Variants in MCC observed in about 807,000 individuals in gnomAD.
MCC encodes the protein colorectal mutant cancer protein.
A neutral mutation model predicts 116.2 loss-of-function variants in MCC; 90 were observed. The ratio of observed to expected loss-of-function variants is 0.77; its 90% confidence interval spans 0.65 to 0.92. The LOEUF (loss-of-function observed/expected upper bound fraction) is 0.92. Ranked by LOEUF, MCC falls within the 40% of genes least tolerant of loss-of-function variation. The pLI, the probability that MCC is intolerant of heterozygous loss-of-function variation, is 0.00. For missense variants in MCC, 1,516 were observed against 1,312.2 expected (o/e 1.16, Z -2.40); for synonymous variants, 578 against 510.5 (o/e 1.13, Z -1.78).
intron 16 of MCC, chr5:113,044,529 TAA>T (rs1482051620): frequency 2.1e-6 from 2 of 969,544 alleles, no homozygotes; most frequent in Non-Finnish European, 2.5e-6. Context: ...GACCTGAGAA[TAA>T]AAAGCTTGTG....
At chr5:113,031,695 C>G (rs1224103560) in intron 17 of MCC, among the ~76,000 whole-genome samples, 1 of 152,156 alleles carries the variant, frequency 6.6e-6, no homozygotes, top group Non-Finnish European at 1.5e-5. Context: ...TCCCCCACTC[C>G]TATCCACACT....
At chr5:113,110,587 G>C (rs1200409172) in intron 6 of MCC, among the ~76,000 whole-genome samples, 1 of 152,150 alleles carries the variant, frequency 6.6e-6, no homozygotes, top group East Asian at 1.9e-4. Flanking sequence ...TAAAGTTGTA[G>C]ACCATTTAAA....
chr5:113,359,107 TTGTC>T (rs1036238467), intron 2 of MCC, among the ~76,000 whole-genome samples: 4 of 152,178 alleles, frequency 2.6e-5, no homozygotes, highest in Non-Finnish European at 5.9e-5. Context: ...CCTTTGCCCT[TTGTC>T]TGTCTTCAGG....
At chr5:113,404,342 G>T (rs1212948552) in intron 1 of MCC, among the ~76,000 whole-genome samples, 1 of 152,138 alleles carries the variant, frequency 6.6e-6, no homozygotes. Context: ...TTTCTTAAAA[G>T]CAATGCCCTC....
intron 3 of MCC, among the ~76,000 whole-genome samples, chr5:113,278,248 T>A (rs1301334805): frequency 2.6e-5 from 4 of 152,158 alleles, no homozygotes; most frequent in Admixed American, 2.0e-4. Flanking sequence ...GCTTCTATTC[T>A]CTCACATCAA....
chr5:113,418,627 C>A (rs1041167737), intron 1 of MCC, among the ~76,000 whole-genome samples: 1 of 152,066 alleles, frequency 6.6e-6, no homozygotes, highest in African/African-American at 2.4e-5. Context: ...GTATGTAAAG[C>A]TTTTAGTGCA....
At chr5:113,201,465 C>T (rs540081212) in intron 3 of MCC, among the ~76,000 whole-genome samples, 5 of 151,940 alleles carry the variant, frequency 3.3e-5, no homozygotes, top group Non-Finnish European at 7.4e-5. Context: ...AATCTAGGGC[C>T]CCAAGTCAGA....
intron 3 of MCC, among the ~76,000 whole-genome samples, chr5:113,254,832 G>A (rs966850835): frequency 6.6e-6 from 1 of 152,122 alleles, no homozygotes; most frequent in Admixed American, 6.6e-5. Context: ...TTAGTTCCCT[G>A]AGTAAACCTC....
chr5:113,142,932 C>T (rs956820152), intron 5 of MCC, among the ~76,000 whole-genome samples: 5 of 152,170 alleles, frequency 3.3e-5, no homozygotes, highest in African/African-American at 1.2e-4. Flanking sequence ...ATTTCATACC[C>T]TTATCAACAA....
rs573799618 is a variant in MCC, at chr5:113,394,376, T to C, written c.171-9164A>G. Among the ~76,000 whole-genome samples the C allele has an allele frequency of 1.4e-4, 22 of 152,190 alleles. No homozygotes were observed. The South Asian group carries it at 1.7e-3, about 11-fold the overall frequency. On this transcript the variant is annotated intron_variant, in intron 1 of 18. Transcript: ENST00000408903. Reference sequence around the variant, plus strand: ...CCAACAGGCAGCCAACAAATTCTGTTACTCTTTCCTGCTTAAAATCCTTTA... The same window carrying C: ...CCAACAGGCAGCCAACAAATTCTGTCACTCTTTCCTGCTTAAAATCCTTTA...
chr5:113,075,442 G>A (rs912186274), intron 11 of MCC, among the ~76,000 whole-genome samples: 9 of 152,218 alleles, frequency 5.9e-5, no homozygotes, highest in East Asian at 1.9e-4. Flanking sequence ...CGGGACTGGC[G>A]GGCAGCTCCG....
chr5:113,178,032 A>G (rs911585127), intron 3 of MCC, among the ~76,000 whole-genome samples: 21 of 152,248 alleles, frequency 1.4e-4, no homozygotes, highest in African/African-American at 4.8e-4. Context: ...TCTGCAAAAC[A>G]ATACCCAAAA....
intron 3 of MCC, among the ~76,000 whole-genome samples, chr5:113,190,259 G>C (rs1368667041): frequency 3.3e-5 from 5 of 152,162 alleles, no homozygotes; most frequent in African/African-American, 1.2e-4. Context: ...CTCTAAACTG[G>C]TAGGGCTCTA....
intron 3 of MCC, among the ~76,000 whole-genome samples, chr5:113,180,774 G>A (rs905825506): frequency 2.0e-5 from 3 of 152,214 alleles, no homozygotes; most frequent in African/African-American, 4.8e-5. Context: ...TGTCTATCTG[G>A]ATGTGGGATT....
rs149206009 is a variant in MCC at position 113,085,913 on chromosome 5, C to T, written c.1399-603G>A. On this transcript the variant is annotated intron_variant, in intron 8 of 18. Coordinates refer to ENST00000408903, the MANE Select transcript of MCC (RefSeq NM_001085377.2). Reference sequence around the variant, plus strand: ...CTATGTTGCCAGGGCTCGTCTTGAACTCCTGCACTCAAGCGATTCTCCCAC... The same window carrying T: ...CTATGTTGCCAGGGCTCGTCTTGAATTCCTGCACTCAAGCGATTCTCCCAC... 2.0e-3 allele frequency among the ~76,000 whole-genome samples: 311 copies of T among 152,318 alleles called. 5 individuals are homozygous for T. The highest frequency in any genetic ancestry group is 7.1e-3 in the African/African-American group (296 of 41,560).
At chr5:113,402,293 C>CAGA (rs1769712713) in intron 1 of MCC, among the ~76,000 whole-genome samples, 1 of 96,606 alleles carries the variant, frequency 1.0e-5, no homozygotes, top group African/African-American at 3.6e-5. Context: ...GACTCCGTCT[C>CAGA]AAAAAAAAAA....
intron 3 of MCC, among the ~76,000 whole-genome samples, chr5:113,201,142 TTGGGAGGCCGAGA>T (rs1762657622): frequency 6.6e-6 from 1 of 151,868 alleles, no homozygotes; most frequent in Admixed American, 6.6e-5. Context: ...TCCCAGCACT[TTGGGAGGCCGAGA>T]TGGGAGGATC....
chr5:113,159,835 G>A (rs909979102), intron 3 of MCC, among the ~76,000 whole-genome samples: 1 of 152,132 alleles, frequency 6.6e-6, no homozygotes, highest in South Asian at 2.1e-4. Context: ...AGTATTTCAA[G>A]AAATGCTGCT....
intron 14 of MCC, among the ~76,000 whole-genome samples, chr5:113,057,734 C>G: frequency 6.6e-6 from 1 of 152,236 alleles, no homozygotes; most frequent in African/African-American, 2.4e-5. Context: ...GTACAAAACC[C>G]CCAAGTAGAG....
Sources: gnomAD v4.1 joint callset for allele counts (sites outside exome capture counted in the v4.1 genomes callset) on GRCh38, gnomAD v4.1.1 for gene constraint, MANE v1.5 for transcripts, NCBI Gene and HGNC (gene_info 2026-07-23, HGNC 2026-07-21) for gene names.